GMDS: variants seen among roughly 807,000 people sequenced by gnomAD.
The protein encoded by GMDS is GDP-mannose 4,6-dehydratase.
A neutral mutation model predicts 49.9 loss-of-function variants in GMDS; 20 were observed. The observed-to-expected ratio is 0.40, with a 90% CI of 0.28 to 0.58. GMDS has a LOEUF of 0.58. Ranked by LOEUF, GMDS falls within the 20% of genes least tolerant of loss-of-function variation. The pLI, the probability that GMDS is intolerant of heterozygous loss-of-function variation, is 0.42. For missense variants in GMDS, 362 were observed against 481.4 expected, an observed-to-expected ratio of 0.75 and a Z score of 2.32; for synonymous variants, 177 against 178.6, an observed-to-expected ratio of 0.99 and a Z score of 0.07.
chr6:1,999,031 T>C (rs1350435034), intron 4 of GMDS, among the ~76,000 whole-genome samples: 1 of 152,128 alleles, frequency 6.6e-6, no homozygotes, highest in East Asian at 1.9e-4. Context: ...TTTTAAATAA[T>C]GCAGATAATA....
At chr6:1,935,236 T>G (rs1274269246) in intron 6 of GMDS, among the ~76,000 whole-genome samples, 1 of 152,218 alleles carries the variant, frequency 6.6e-6, no homozygotes, top group African/African-American at 2.4e-5. Flanking sequence ...CATAGTCTCC[T>G]CTGTGTACTA....
At chr6:2,076,043 C>T (rs1329528469) in intron 4 of GMDS, among the ~76,000 whole-genome samples, 9 of 152,182 alleles carry the variant, frequency 5.9e-5, no homozygotes, top group Admixed American at 5.9e-4. Context: ...CTTTTGGCTG[C>T]ATAAATGTCT....
intron 7 of GMDS, among the ~76,000 whole-genome samples, chr6:1,744,888 C>A (rs371373634): frequency 6.6e-6 from 1 of 152,258 alleles, no homozygotes; most frequent in Non-Finnish European, 1.5e-5. Flanking sequence ...TCACCGGGAT[C>A]GGGCCTGCCC....
At chr6:1,970,416 C>T (rs893198688) in intron 4 of GMDS, among the ~76,000 whole-genome samples, 6 of 152,184 alleles carry the variant, frequency 3.9e-5, no homozygotes, top group Admixed American at 2.0e-4. Context: ...ATCTTTCCCC[C>T]GCCCCCGCCC....
intron 4 of GMDS, among the ~76,000 whole-genome samples, chr6:2,022,636 GTTA>G (rs1768347920): frequency 6.6e-6 from 1 of 152,116 alleles, no homozygotes; most frequent in Non-Finnish European, 1.5e-5. Context: ...CACAAGATTT[GTTA>G]TTATCTATAC....
intron 1 of GMDS, among the ~76,000 whole-genome samples, chr6:2,185,150 G>A (rs958322951): frequency 2.6e-5 from 4 of 152,212 alleles, no homozygotes; most frequent in Non-Finnish European, 5.9e-5. Context: ...AAAATCTTCA[G>A]CACTTAGCTA....
In GMDS at chr6:1,701,708, G is replaced by A. The variant is rs1289222284; in HGVS notation, c.987+24708C>T. Reference sequence around the variant, plus strand: ...TAAATCAAAGGTCACTGGGGCAGAGGTCTTATTTTCAAATAATATATATTT... The same window carrying A: ...TAAATCAAAGGTCACTGGGGCAGAGATCTTATTTTCAAATAATATATATTT... On this transcript the variant is annotated intron_variant, in intron 9 of 10. Coordinates refer to ENST00000380815, the MANE Select transcript of GMDS (RefSeq NM_001500.4). 3.3e-5 allele frequency among the ~76,000 whole-genome samples: 5 copies of A among 151,968 alleles called. No homozygotes were observed. The East Asian group carries it at 5.8e-4, about 18-fold the overall frequency.
intron 1 of GMDS, among the ~76,000 whole-genome samples, chr6:2,210,870 G>T (rs942812270): frequency 6.6e-6 from 1 of 152,190 alleles, no homozygotes; most frequent in Non-Finnish European, 1.5e-5. Context: ...GGAGGGACCT[G>T]GTGGGAGATA....
chr6:2,077,696 G>A (rs905077849), intron 4 of GMDS, among the ~76,000 whole-genome samples: 4 of 152,028 alleles, frequency 2.6e-5, no homozygotes, highest in Non-Finnish European at 5.9e-5. Flanking sequence ...GTATTCTGTC[G>A]AGGATTTTTG....
intron 1 of GMDS, among the ~76,000 whole-genome samples, chr6:2,125,090 G>C (rs1775346317): frequency 6.6e-6 from 1 of 152,140 alleles, no homozygotes; most frequent in Non-Finnish European, 1.5e-5. Context: ...AGAATGCCTT[G>C]GTGTCATAGC....
At chr6:2,071,261 G>T (rs187158606) in intron 4 of GMDS, among the ~76,000 whole-genome samples, 2 of 152,260 alleles carry the variant, frequency 1.3e-5, no homozygotes, top group Admixed American at 1.3e-4. Flanking sequence ...AAGATAAAGT[G>T]CACAGGGCAT....
chr6:1,832,540 C>G (rs985181351), intron 7 of GMDS, among the ~76,000 whole-genome samples: 1 of 152,100 alleles, frequency 6.6e-6, no homozygotes, highest in Admixed American at 6.5e-5. Flanking sequence ...GCATGATCAC[C>G]TACTTTTGTG....
At chr6:2,189,352 A>G (rs952361702) in intron 1 of GMDS, among the ~76,000 whole-genome samples, 1 of 152,164 alleles carries the variant, frequency 6.6e-6, no homozygotes, top group Non-Finnish European at 1.5e-5. Context: ...TGACTTTCAG[A>G]TTTAGGGAGA....
chr6:1,745,901 T>C (rs1310587652), intron 7 of GMDS, among the ~76,000 whole-genome samples: 1 of 152,174 alleles, frequency 6.6e-6, no homozygotes, highest in Non-Finnish European at 1.5e-5. Flanking sequence ...GGTGTGATAA[T>C]GGGTTAGTAA....
rs1341049035 is a variant in GMDS, at chr6:1,833,307, A to G, written c.772-90721T>C. 3.3e-5 allele frequency among the ~76,000 whole-genome samples: 5 copies of G among 151,780 alleles called. No homozygotes were observed. Among genetic ancestry groups the G allele is most frequent in the Non-Finnish European group, 7.4e-5 (5 of 67,974 alleles). ...AGGGGAGGCCCCAGAACAACACTGG[A>G]CACATCAAATGTCCTCCCTTCCTTC... On this transcript the variant is annotated intron_variant, in intron 7 of 10. Transcript: ENST00000380815. This position sits in a 1 kb window ranked among gnomAD's most constrained non-coding sequence, Gnocchi z 4.4.
chr6:1,762,857 C>A (rs1768213702), intron 7 of GMDS, among the ~76,000 whole-genome samples: 1 of 152,158 alleles, frequency 6.6e-6, no homozygotes, highest in Non-Finnish European at 1.5e-5. Context: ...ACCCTAATTT[C>A]TTTGCTTCGA....
At chr6:2,245,186 C>T in intron 1 of GMDS, 135 bp downstream of exon 1, 1 of 654,784 alleles carries the variant, frequency 1.5e-6, no homozygotes, top group Non-Finnish European at 2.7e-6. Flanking sequence ...TCCGTCCCAC[C>T]TCCCGGCAGC....
At chr6:2,028,178 A>C (rs1416871393) in intron 4 of GMDS, among the ~76,000 whole-genome samples, 1 of 152,228 alleles carries the variant, frequency 6.6e-6, no homozygotes, top group Non-Finnish European at 1.5e-5. Flanking sequence ...TTGTTCACAC[A>C]AACAGCGCCT....
rs199870515 is a variant in GMDS at position 1,960,834 on chromosome 6, C to T, written c.478G>A (p.Gly160Arg). ...TTCTGGGGTATTTCCTGCACTTTCC[C>T]ATAAAGTTCACTTGTTGAGGCTTGG... is the stretch of plus-strand genomic sequence containing the variant. ...FYQASTSELY[G>R]KVQEIPQKET... Residue 160 changes from glycine to arginine, a missense_variant, in exon 5 of 11, where the codon GGG (glycine) becomes AGG (arginine). Physicochemically the swap from Gly to Arg is moderately radical, Grantham distance 125 (BLOSUM62 -2). Coordinates refer to ENST00000380815, the MANE Select transcript of GMDS (RefSeq NM_001500.4). 1.9e-6 allele frequency: 3 copies of T among 1,611,720 alleles called. No individual in the cohort carries two copies. In the Admixed American group the frequency reaches 5.0e-5, roughly 27 times the overall value.
Sources: allele counts gnomAD v4.1 joint callset (sites outside exome capture counted in the v4.1 genomes callset), GRCh38; gene constraint gnomAD v4.1.1; non-coding constraint Gnocchi (gnomAD v3.1); transcripts MANE v1.5; gene names NCBI Gene and HGNC (gene_info 2026-07-23, HGNC 2026-07-21).